Variants in DNAJC1 observed in about 807,000 individuals in gnomAD.
DNAJC1 encodes the protein dnaJ homolog subfamily C member 1.
A neutral mutation model predicts 76.6 loss-of-function variants in DNAJC1; 58 were observed. The ratio of observed to expected loss-of-function variants is 0.76; its 90% CI spans 0.61 to 0.94. DNAJC1 has a LOEUF of 0.94. Among genes scored for constraint, DNAJC1 ranks in the 40% least tolerant of loss-of-function variants. The pLI, the probability that DNAJC1 is intolerant of heterozygous loss-of-function variation, is 0.00. For missense variants in DNAJC1, 689 were observed against 677.3 expected (o/e 1.02, Z -0.19); for synonymous variants, 258 against 267.9 (o/e 0.96, Z 0.36).
chr10:21,808,886 C>G (rs1055442622), intron 8 of DNAJC1, among the ~76,000 whole-genome samples: 3 of 152,192 alleles, frequency 2.0e-5, no homozygotes, highest in African/African-American at 7.2e-5. Context: ...TGTGACTATA[C>G]AAGCACTCCA....
At chr10:21,902,885 C>CA (rs1335549916) in intron 7 of DNAJC1, among the ~76,000 whole-genome samples, 10 of 152,052 alleles carry the variant, frequency 6.6e-5, no homozygotes, top group African/African-American at 1.9e-4. Flanking sequence ...GTAGTGTATT[C>CA]ACGTTGCCTC....
chr10:21,825,831 G>T (rs1372788661), intron 8 of DNAJC1, among the ~76,000 whole-genome samples: 1 of 152,186 alleles, frequency 6.6e-6, no homozygotes, highest in Non-Finnish European at 1.5e-5. Flanking sequence ...CTTCTCTGGA[G>T]AAATGTCTAC....
At position 21,940,696 on chromosome 10, in the gene DNAJC1, G is replaced by A. The variant is rs912076530; in HGVS notation, c.223-11555C>T. Among the ~76,000 whole-genome samples, 252 of 152,004 alleles carry A rather than the reference G, an allele frequency of 1.7e-3. 8 individuals carry two copies. Among genetic ancestry groups the A allele is most frequent in the Non-Finnish European group, 5.1e-4 (35 of 68,002 alleles). ...TCTCCATAAGATTAAAAAAGTAAGC[G>A]TTCTCCAAAATATAGATAAACAAAA... On this transcript the variant is annotated intron_variant, in intron 1 of 11. Coordinates refer to ENST00000376980, the MANE Select transcript of DNAJC1 (RefSeq NM_022365.4).
At chr10:21,839,293 A>G (rs1367836356) in intron 8 of DNAJC1, among the ~76,000 whole-genome samples, 1 of 152,244 alleles carries the variant, frequency 6.6e-6, no homozygotes, top group Non-Finnish European at 1.5e-5. Flanking sequence ...AATCCTTTAA[A>G]AAATTAATGA....
intron 1 of DNAJC1, among the ~76,000 whole-genome samples, chr10:21,991,232 C>T (rs530011041): frequency 6.6e-6 from 1 of 152,274 alleles, no homozygotes; most frequent in East Asian, 1.9e-4. Context: ...AAAATAGGAA[C>T]TCCAGTGATT....
At chr10:21,837,782 G>A (rs1316650378) in intron 8 of DNAJC1, among the ~76,000 whole-genome samples, 1 of 148,726 alleles carries the variant, frequency 6.7e-6, no homozygotes. Flanking sequence ...AGGGAGGTAG[G>A]GGGCAGCCCC....
chr10:21,856,501 G>A (rs1835834309), intron 8 of DNAJC1, among the ~76,000 whole-genome samples: 1 of 151,888 alleles, frequency 6.6e-6, no homozygotes, highest in Admixed American at 6.6e-5. Flanking sequence ...TCCACTTTCG[G>A]TGTTTCACGT....
rs1238012697 is a variant in DNAJC1, at chr10:22,001,974, A to G, written c.222+1239T>C. Among the ~76,000 whole-genome samples, 4 of 152,232 alleles carry G rather than the reference A, an allele frequency of 2.6e-5. No homozygotes were observed. The East Asian group carries it at 7.7e-4, about 29-fold the overall frequency. On this transcript the variant is annotated intron_variant, in intron 1 of 11. Transcript: ENST00000376980. ...AGTTATTACAAAGTTGCTTGCACAT[A>G]TGAATCTGAAGTGTGAAATGCCTAT...
At chr10:21,928,451 A>G in intron 3 of DNAJC1, 55 bp downstream of exon 3, 7 of 1,446,168 alleles carry the variant, frequency 4.8e-6, no homozygotes, top group South Asian at 4.8e-5. Flanking sequence ...AATTCTTTAT[A>G]AACTGTAGCA....
In DNAJC1 at chr10:21,929,097, T is replaced by G; in HGVS notation, c.267A>C (p.Ser89=). The G allele has an allele frequency of 6.2e-7, 1 of 1,612,818 alleles. No homozygotes were observed. Among genetic ancestry groups the G allele is most frequent in the Non-Finnish European group, 8.5e-7 (1 of 1,179,714 alleles). The change falls in exon 2 of 12, where the codon TCA becomes TCC. Residue 89 remains serine (S), a synonymous_variant. Transcript: ENST00000376980. The part of the protein sequence containing the change: ...ADIRKAYRKL[S]LTLHPDKNKD... ...TATTCTTGTCTGGATGTAAAGTTAG[T>G]GAAAGCTTACGATATGCTTTTCTGA...
At chr10:21,791,173 ATGTGAATATATATGCACAGT>A (rs1340884939) in intron 9 of DNAJC1, among the ~76,000 whole-genome samples, 6 of 152,218 alleles carry the variant, frequency 3.9e-5, no homozygotes, top group Non-Finnish European at 2.9e-5. Context: ...ATTCAGCAAG[ATGTGAATATATATGCACAGT>A]TGTGAATATA....
intron 6 of DNAJC1, among the ~76,000 whole-genome samples, chr10:21,908,888 C>CTTT (rs748853189): frequency 2.7e-5 from 4 of 146,044 alleles, no homozygotes; most frequent in African/African-American, 1.0e-4. Context: ...AAATTTCTTT[C>CTTT]TTTTTTTTTT....
intron 8 of DNAJC1, among the ~76,000 whole-genome samples, chr10:21,878,780 A>T (rs552063988): frequency 1.4e-4 from 22 of 152,284 alleles, no homozygotes; most frequent in Admixed American, 1.1e-3. Context: ...ACTGAAGTTG[A>T]GCTCTGACCC....
At chr10:21,772,950 G>C (rs1050619051) in intron 9 of DNAJC1, among the ~76,000 whole-genome samples, 2 of 152,100 alleles carry the variant, frequency 1.3e-5, no homozygotes, top group Non-Finnish European at 2.9e-5. Context: ...AGAGCAGGAG[G>C]AACAGAGAGC....
At chr10:21,783,662 C>T (rs1464748634) in intron 9 of DNAJC1, among the ~76,000 whole-genome samples, 2 of 152,200 alleles carry the variant, frequency 1.3e-5, no homozygotes, top group Admixed American at 6.5e-5. Flanking sequence ...TACTACAAGG[C>T]TACAGTAACC....
chr10:21,949,592 T>A (rs189048642), intron 1 of DNAJC1, among the ~76,000 whole-genome samples: 4 of 151,744 alleles, frequency 2.6e-5, no homozygotes, highest in African/African-American at 7.2e-5. Flanking sequence ...AATTTTTGTA[T>A]TTTTAGTAGA....
chr10:21,930,060 C>T (rs1028858044), intron 1 of DNAJC1, among the ~76,000 whole-genome samples: 2 of 152,204 alleles, frequency 1.3e-5, no homozygotes, highest in African/African-American at 4.8e-5. Context: ...ACTGCAACCT[C>T]CACCTCCTGG....
At chr10:21,885,494 T>C (rs575329302) in intron 7 of DNAJC1, among the ~76,000 whole-genome samples, 1 of 152,272 alleles carries the variant, frequency 6.6e-6, no homozygotes, top group African/African-American at 2.4e-5. Flanking sequence ...ATGGATCTGA[T>C]AGATCTCTAC....
chr10:21,893,316 G>A (rs1836486775), intron 7 of DNAJC1, among the ~76,000 whole-genome samples: 1 of 152,082 alleles, frequency 6.6e-6, no homozygotes, highest in South Asian at 2.1e-4. Context: ...ATACTGAGCT[G>A]AGTCAAATAA....
Sources: allele counts gnomAD v4.1 joint callset (sites outside exome capture counted in the v4.1 genomes callset), GRCh38; gene constraint gnomAD v4.1.1; transcripts MANE v1.5; gene names NCBI Gene and HGNC (gene_info 2026-07-23, HGNC 2026-07-21).